Variants in SNUPN observed in about 807,000 individuals in gnomAD.
The protein encoded by SNUPN is snurportin-1.
SNUPN carries 31 observed loss-of-function variants against 39.2 expected under a neutral mutation model. That is an observed-to-expected ratio of 0.79 (90% CI 0.59 to 1.07). The LOEUF is 1.07. Among genes scored for constraint, SNUPN ranks in the 50% least tolerant of loss-of-function variants. SNUPN has a pLI of 0.00. For missense variants in SNUPN, 382 were observed against 434.2 expected, an observed-to-expected ratio of 0.88 and a Z score of 1.07; for synonymous variants, 132 against 159.0, an observed-to-expected ratio of 0.83 and a Z score of 1.28.
chr15:75,609,086 G>T (rs558400121), intron 5 of SNUPN, among the ~76,000 whole-genome samples: 1 of 150,342 alleles, frequency 6.7e-6, no homozygotes, highest in South Asian at 2.1e-4. Context: ...AGCCAATATG[G>T]TGCCACTGCA....
In SNUPN at chr15:75,615,372, C is replaced by G. The variant is rs77620719; in HGVS notation, c.303+2036G>C. Among the ~76,000 whole-genome samples the G allele has an allele frequency of 9.3e-3, 1,417 of 152,208 alleles. 10 individuals are homozygous for G. The highest frequency in any genetic ancestry group is 0.017 in the Middle Eastern group (5 of 294). On this transcript the variant is annotated intron_variant, in intron 3 of 8. Transcript: ENST00000308588. ...CTCCTTCTCCCAACTCTATGCCACT[C>G]TACCCTAACTGGCCTGCAAACTGCT...
chr15:75,603,944 G>C (rs1041808313), intron 7 of SNUPN, among the ~76,000 whole-genome samples: 2 of 152,080 alleles, frequency 1.3e-5, no homozygotes, highest in Non-Finnish European at 2.9e-5. Flanking sequence ...CTTCCCATCT[G>C]TAAAATGGGA....
intron 3 of SNUPN, among the ~76,000 whole-genome samples, chr15:75,613,557 C>T (rs1193828588): frequency 1.4e-5 from 2 of 147,960 alleles, no homozygotes; most frequent in East Asian, 4.1e-4. Flanking sequence ...GCAGGAGAAT[C>T]GCTTGAACCT....
chr15:75,624,949 T>C (rs1595991418), intron 1 of SNUPN: 2 of 235,634 alleles, frequency 8.5e-6, no homozygotes, highest in East Asian at 1.1e-4. Context: ...ATTTTTTTTG[T>C]ATTTTTAGTA....
At chr15:75,620,324 C>T (rs1181227606) in intron 2 of SNUPN, among the ~76,000 whole-genome samples, 2 of 152,176 alleles carry the variant, frequency 1.3e-5, no homozygotes, top group East Asian at 3.8e-4. Flanking sequence ...ATACAAGGAT[C>T]GGCCCTGCCT....
intron 3 of SNUPN, among the ~76,000 whole-genome samples, chr15:75,613,885 G>A (rs567977668): frequency 6.6e-5 from 10 of 152,200 alleles, no homozygotes; most frequent in Admixed American, 4.6e-4. Flanking sequence ...TTCCTCAAAA[G>A]GTTAAACAGA....
chr15:75,600,276 T>C (rs1215044556), intron 8 of SNUPN, among the ~76,000 whole-genome samples: 1 of 151,428 alleles, frequency 6.6e-6, no homozygotes, highest in Non-Finnish European at 1.5e-5. Context: ...GAGGTTTGTT[T>C]TTTGTTTTTT....
intron 6 of SNUPN, among the ~76,000 whole-genome samples, chr15:75,606,317 T>C (rs1379347898): frequency 1.3e-5 from 2 of 151,990 alleles, no homozygotes; most frequent in Admixed American, 1.3e-4. Context: ...GGAAACCTAG[T>C]ATGCGGGAAT....
intron 6 of SNUPN, among the ~76,000 whole-genome samples, chr15:75,606,196 T>A (rs981449349): frequency 6.6e-6 from 1 of 152,086 alleles, no homozygotes; most frequent in Admixed American, 6.5e-5. Context: ...GGACGTGTTG[T>A]AAGGGATTTA....
intron 5 of SNUPN, among the ~76,000 whole-genome samples, chr15:75,609,174 C>CTTT (rs1205961290): frequency 6.0e-4 from 54 of 89,678 alleles, no homozygotes; most frequent in Non-Finnish European, 8.6e-4. Context: ...CAAAGTGGGT[C>CTTT]TTTTTTTTTT....
At chr15:75,611,641 G>A (rs1892785923) in intron 3 of SNUPN, among the ~76,000 whole-genome samples, 1 of 151,872 alleles carries the variant, frequency 6.6e-6, no homozygotes, top group South Asian at 2.1e-4. Context: ...CAGATCATGA[G>A]GCCAAGAAAT....
chr15:75,598,808 G>T, intron 8 of SNUPN, 127 bp from the exon 9 acceptor site: 1 of 642,880 alleles, frequency 1.6e-6, no homozygotes. Flanking sequence ...AGAGGAAAGA[G>T]TCCCAGCTTC....
intron 2 of SNUPN, among the ~76,000 whole-genome samples, chr15:75,620,570 G>A (rs906609191): frequency 6.6e-6 from 1 of 152,206 alleles, no homozygotes; most frequent in South Asian, 2.1e-4. Flanking sequence ...AATGTGGGGA[G>A]TGAAAGTCTG....
chr15:75,608,375 C>T (rs558470835), intron 5 of SNUPN, among the ~76,000 whole-genome samples: 17 of 151,960 alleles, frequency 1.1e-4, no homozygotes, highest in East Asian at 5.8e-4. Flanking sequence ...AGAGTGAGAC[C>T]GTGTCAAAAA....
intron 2 of SNUPN, among the ~76,000 whole-genome samples, chr15:75,619,501 G>T (rs928391406): frequency 6.6e-6 from 1 of 151,880 alleles, no homozygotes; most frequent in Admixed American, 6.6e-5. Flanking sequence ...AATTAGCCAG[G>T]TGCTATGGAG....
Position 75,620,946 on chromosome 15 carries a change from T to C in SNUPN, c.106A>G (p.Ser36Gly). The C allele has an allele frequency of 1.2e-6, 2 of 1,613,888 alleles. No individual in the cohort carries two copies. The highest frequency in any genetic ancestry group is 1.7e-6 in the Non-Finnish European group (2 of 1,179,790). The change falls in exon 2 of 9, where the codon AGT becomes GGT. Residue 36 changes from serine to glycine, a missense_variant. By Grantham distance (56) the Ser-to-Gly change is moderately conservative. Coordinates refer to ENST00000308588, the MANE Select transcript of SNUPN (RefSeq NM_005701.4). ...CGGCGCTCACTCTGCTCCAAGGAACTGTACTTGGACTTGTACTGGGATAGG... is the reference window on the plus strand; with the variant it reads ...CGGCGCTCACTCTGCTCCAAGGAACCGTACTTGGACTTGTACTGGGATAGG... ...PRLSQYKSKY[S>G]SLEQSERRRR...
In SNUPN at chr15:75,599,175, GA is replaced by G. The variant is rs146837696; in HGVS notation, c.760-495del. On this transcript the variant is annotated intron_variant, in intron 8 of 8. Transcript: ENST00000308588. ...AGAGTGAGACTCTGTCTCAAAAAAA[GA>G]AAAAAAAAAAGGAAAGGATAAACAT... Among the ~76,000 whole-genome samples, 310 of 138,246 alleles carry G rather than the reference GA, an allele frequency of 2.2e-3. 2 individuals are homozygous for G. Among genetic ancestry groups the G allele is most frequent in the South Asian group, 0.022 (94 of 4,360 alleles). 90.7% of individuals were successfully genotyped at this position (138,246 alleles called of 152,430 possible).
chr15:75,612,754 A>G (rs556297853), intron 3 of SNUPN, among the ~76,000 whole-genome samples: 76 of 151,924 alleles, frequency 5.0e-4, no homozygotes, highest in Admixed American at 1.4e-3. Flanking sequence ...TGAAACACCT[A>G]CCCTTCCCTT....
intron 7 of SNUPN, among the ~76,000 whole-genome samples, chr15:75,604,157 CTTTTTT>C (rs34924144): frequency 3.5e-5 from 4 of 114,942 alleles, no homozygotes; most frequent in Non-Finnish European, 3.4e-5. Flanking sequence ...TTCCCTTTAA[CTTTTTT>C]TTTTTTTTTT....
Sources: allele counts gnomAD v4.1 joint callset (sites outside exome capture counted in the v4.1 genomes callset), GRCh38; gene constraint gnomAD v4.1.1; transcripts MANE v1.5; gene names NCBI Gene and HGNC (gene_info 2026-07-23, HGNC 2026-07-21).